The following SLIT2 variants were observed in gnomAD, a reference collection of about 807,000 sequenced individuals.
The protein encoded by SLIT2 is slit guidance ligand 2, also known as slit homolog 2 protein.
SLIT2 carries 41 observed loss-of-function variants against 185.7 expected under a neutral mutation model. The observed-to-expected ratio is 0.22, with a 90% CI of 0.17 to 0.29. SLIT2 has a LOEUF of 0.29. SLIT2 is among the 10% of genes least tolerant of loss of function. The pLI is 1.00. For missense variants in SLIT2, 1,571 were observed against 1,909.0 expected, an observed-to-expected ratio of 0.82 and a Z score of 3.30; for synonymous variants, 693 against 680.2, an observed-to-expected ratio of 1.02 and a Z score of -0.29.
chr4:20,316,584 G>T (rs972079367), intron 4 of SLIT2, among the ~76,000 whole-genome samples: 3 of 151,676 alleles, frequency 2.0e-5, no homozygotes, highest in Non-Finnish European at 4.4e-5. Flanking sequence ...AGTAGAAAAA[G>T]AAAGCATTCT....
At position 20,472,529 on chromosome 4, in the gene SLIT2, T is replaced by G. The variant is rs1225985210; in HGVS notation, c.467+4706T>G. On this transcript the variant is annotated intron_variant, in intron 5 of 36. Transcript: ENST00000504154. ...ATATATAGATAGATATATATCTATA[T>G]ATAGATATATCTATATCTATATATA... 3.7e-3 allele frequency among the ~76,000 whole-genome samples: 107 copies of G among 28,744 alleles called. 2 individuals are homozygous for G. Among genetic ancestry groups the G allele is most frequent in the East Asian group, 5.5e-3 (2 of 364 alleles). 18.9% of individuals were successfully genotyped at this position (28,744 alleles called of 152,430 possible).
At chr4:20,335,048 G>A (rs988231137) in intron 4 of SLIT2, among the ~76,000 whole-genome samples, 3 of 152,160 alleles carry the variant, frequency 2.0e-5, no homozygotes, top group Non-Finnish European at 2.9e-5. Flanking sequence ...ATGCAATGGT[G>A]TTCTTTCTGT....
chr4:20,438,267 A>C (rs1729497220), intron 4 of SLIT2, among the ~76,000 whole-genome samples: 1 of 152,182 alleles, frequency 6.6e-6, no homozygotes, highest in Non-Finnish European at 1.5e-5. Context: ...GTTGATAAAG[A>C]CATATCCAAC....
At chr4:20,343,533 A>C (rs761386778) in intron 4 of SLIT2, among the ~76,000 whole-genome samples, 9 of 151,424 alleles carry the variant, frequency 5.9e-5, no homozygotes, top group Non-Finnish European at 1.2e-4. Context: ...ATTAAGTCTC[A>C]CTCTGTCACC....
chr4:20,314,014 A>G lies in SLIT2; in HGVS notation c.395+45133A>G, dbSNP rs370476561. Among the ~76,000 whole-genome samples, 9 of 152,346 alleles carry G rather than the reference A, an allele frequency of 5.9e-5. No homozygotes were observed. In the East Asian group the frequency reaches 1.2e-3, roughly 20 times the overall value. Reference sequence around the variant, plus strand: ...CATCTCTTATGACTGCAAATTGTATATCATAGTTAGATTGTTTCTCAATCC... The same window carrying G: ...CATCTCTTATGACTGCAAATTGTATGTCATAGTTAGATTGTTTCTCAATCC... On this transcript the variant is annotated intron_variant, in intron 4 of 36. Coordinates refer to ENST00000504154, the MANE Select transcript of SLIT2 (RefSeq NM_004787.4).
At chr4:20,456,951 T>C (rs1414612109) in intron 4 of SLIT2, among the ~76,000 whole-genome samples, 1 of 152,038 alleles carries the variant, frequency 6.6e-6, no homozygotes, top group Non-Finnish European at 1.5e-5. Context: ...GATATTTGGA[T>C]CATGAAAAAA....
intron 4 of SLIT2, among the ~76,000 whole-genome samples, chr4:20,339,270 G>A (rs1720769578): frequency 6.6e-6 from 1 of 151,660 alleles, no homozygotes; most frequent in Admixed American, 6.6e-5. Flanking sequence ...CTTTGGATAA[G>A]GGAGTGGAGG....
intron 19 of SLIT2, among the ~76,000 whole-genome samples, chr4:20,540,270 A>G (rs1722687173): frequency 6.6e-6 from 1 of 151,888 alleles, no homozygotes; most frequent in Non-Finnish European, 1.5e-5. Flanking sequence ...CCTGTATGAC[A>G]GAGCGAGACT....
chr4:20,370,048 C>A (rs902723051), intron 4 of SLIT2, among the ~76,000 whole-genome samples: 1 of 152,044 alleles, frequency 6.6e-6, no homozygotes, highest in Non-Finnish European at 1.5e-5. Context: ...GTCTCTACCC[C>A]AGACCAACTG....
rs747406280 is a variant in SLIT2, at chr4:20,548,539, C to T, written c.2397C>T (p.Asn799=). The change falls in exon 23 of 37, where the codon AAC becomes AAT. Residue 799 remains asparagine (N), a synonymous_variant. Transcript: ENST00000504154. ...ISTLSNQSFS[N]MTQLLTLILS... ...CGCTTTCTAATCAGAGCTTCAGCAA[C>T]ATGACCCAGCTCCTCACCTTGTGAG... The T allele has an allele frequency of 1.2e-6, 2 of 1,605,030 alleles. No homozygotes were observed. The highest frequency in any genetic ancestry group is 2.2e-5 in the South Asian group (2 of 90,882).
At chr4:20,524,306 A>G (rs894963632) in intron 14 of SLIT2, 129 bp downstream of exon 14, 2 of 785,820 alleles carry the variant, frequency 2.5e-6, no homozygotes, top group East Asian at 5.2e-5. Flanking sequence ...CTGCCCATGA[A>G]TAATAAAATA....
intron 11 of SLIT2, among the ~76,000 whole-genome samples, chr4:20,516,946 TAAAG>T (rs1217593505): frequency 1.3e-5 from 2 of 152,182 alleles, no homozygotes; most frequent in South Asian, 4.1e-4. Flanking sequence ...AACATGGTCT[TAAAG>T]AAAGCAGTGA....
intron 4 of SLIT2, among the ~76,000 whole-genome samples, chr4:20,320,457 AG>A (rs1413111881): frequency 6.6e-6 from 1 of 152,154 alleles, no homozygotes; most frequent in Admixed American, 6.5e-5. Context: ...TGTAAAATGC[AG>A]GAAACAATTG....
intron 4 of SLIT2, among the ~76,000 whole-genome samples, chr4:20,410,367 G>C (rs1216860256): frequency 2.7e-5 from 4 of 147,418 alleles, no homozygotes; most frequent in Non-Finnish European, 5.9e-5. Context: ...TACTGCCTCA[G>C]CCTCCCAAGT....
chr4:20,504,938 G>A (rs1163832659), intron 9 of SLIT2, among the ~76,000 whole-genome samples: 1 of 136,528 alleles, frequency 7.3e-6, no homozygotes, highest in Admixed American at 7.5e-5. Context: ...TTGATCACAG[G>A]CATATAGGAA....
At chr4:20,291,472 ATATATATATATATATATATATTTTTTTT>A (rs1337849397) in intron 4 of SLIT2, among the ~76,000 whole-genome samples, 485 of 17,046 alleles carry the variant, frequency 0.028, no homozygotes, top group Non-Finnish European at 0.034. Context: ...ATATATATAT[ATATATATATATATATATATATTTTTTTT>A]TTTTTTTTTT....
chr4:20,551,678 A>C (rs1723766943), intron 25 of SLIT2, among the ~76,000 whole-genome samples: 1 of 152,130 alleles, frequency 6.6e-6, no homozygotes, highest in Admixed American at 6.5e-5. Flanking sequence ...AACTATGCCT[A>C]AACAGCAATG....
At chr4:20,470,670 G>A (rs1222822312) in intron 5 of SLIT2, among the ~76,000 whole-genome samples, 2 of 152,112 alleles carry the variant, frequency 1.3e-5, no homozygotes, top group Non-Finnish European at 2.9e-5. Flanking sequence ...CTGCCTCCCA[G>A]GTTCAAGCAA....
chr4:20,332,775 G>A (rs189056333), intron 4 of SLIT2, among the ~76,000 whole-genome samples: 1 of 152,130 alleles, frequency 6.6e-6, no homozygotes, highest in Non-Finnish European at 1.5e-5. Context: ...GTGATTTTCA[G>A]AGATCTGAAA....
Sources: gnomAD v4.1 joint callset for allele counts (sites outside exome capture counted in the v4.1 genomes callset) on GRCh38, gnomAD v4.1.1 for gene constraint, MANE v1.5 for transcripts, NCBI Gene and HGNC (gene_info 2026-07-23, HGNC 2026-07-21) for gene names.